PPP1R12A: variants seen among roughly 807,000 people sequenced by gnomAD.
PPP1R12A encodes myosin binding subunit.
PPP1R12A carries 19 observed loss-of-function variants against 139.6 expected under a neutral mutation model. The ratio of observed to expected loss-of-function variants is 0.14; its 90% CI spans 0.09 to 0.20. The LOEUF is 0.20. Ranked by LOEUF, PPP1R12A falls within the 10% of genes least tolerant of loss-of-function variation. The pLI is 1.00. For missense variants in PPP1R12A, 925 were observed against 1,211.5 expected, an observed-to-expected ratio of 0.76 and a Z score of 3.51; for synonymous variants, 427 against 420.6, an observed-to-expected ratio of 1.02 and a Z score of -0.19.
At chr12:79,888,688 G>A (rs1405160414) in intron 1 of PPP1R12A, among the ~76,000 whole-genome samples, 1 of 152,116 alleles carries the variant, frequency 6.6e-6, no homozygotes, top group Non-Finnish European at 1.5e-5. Flanking sequence ...TACGTGCCAT[G>A]GAACTGTTCC....
chr12:79,835,722 A>G (rs1269153527), intron 3 of PPP1R12A, among the ~76,000 whole-genome samples: 1 of 152,212 alleles, frequency 6.6e-6, no homozygotes, highest in Non-Finnish European at 1.5e-5. Context: ...TCTTTAGTAT[A>G]CAAGAGAAAG....
intron 2 of PPP1R12A, among the ~76,000 whole-genome samples, chr12:79,849,606 AAAAC>A (rs561702775): frequency 9.2e-5 from 14 of 152,300 alleles, no homozygotes; most frequent in African/African-American, 1.7e-4. Context: ...CCTTGGAAAG[AAAAC>A]AAACAAACAA....
chr12:79,852,657 C>G (rs560744463), intron 2 of PPP1R12A, among the ~76,000 whole-genome samples: 2 of 152,188 alleles, frequency 1.3e-5, no homozygotes, highest in South Asian at 4.2e-4. Context: ...TTCAGGTTCC[C>G]CACTTGTCCT....
intron 3 of PPP1R12A, among the ~76,000 whole-genome samples, chr12:79,843,363 G>C (rs1878978901): frequency 6.6e-6 from 1 of 151,980 alleles, no homozygotes; most frequent in South Asian, 2.1e-4. Context: ...ATCACCAGAA[G>C]TCAGGAGGTG....
chr12:79,862,822 A>C lies in PPP1R12A; in HGVS notation c.368+9986T>G, dbSNP rs138237045. On this transcript the variant is annotated intron_variant, in intron 2 of 24. Transcript: ENST00000450142. ...TCCAAGAAATATGGGACTATGTGAA[A>C]AAACGAAATCAATGTTTGATTGGTA... 7.9e-4 allele frequency among the ~76,000 whole-genome samples: 120 copies of C among 152,358 alleles called. 1 individual carries two copies. In the East Asian group the frequency reaches 0.023, roughly 29 times the overall value.
chr12:79,851,579 A>G (rs953099638), intron 2 of PPP1R12A, among the ~76,000 whole-genome samples: 3 of 152,128 alleles, frequency 2.0e-5, no homozygotes, highest in Non-Finnish European at 4.4e-5. Flanking sequence ...TTCAATTTTC[A>G]AAAGTCTGCA....
Position 79,900,195 on chromosome 12 carries a change from A to T in PPP1R12A, c.238-27257T>A, listed in dbSNP as rs139891419. On this transcript the variant is annotated intron_variant, in intron 1 of 24. Transcript: ENST00000450142. ...AAAAATTCAAAATGCAGATCTGTGA[A>T]ATAAGGTAACAGATAATGAAGAGTT... Among the ~76,000 whole-genome samples the T allele has an allele frequency of 7.2e-5, 11 of 152,332 alleles. No homozygotes were observed. The East Asian group carries it at 1.7e-3, about 24-fold the overall frequency.
intron 9 of PPP1R12A, among the ~76,000 whole-genome samples, chr12:79,812,391 C>CCTGTGT: frequency 7.4e-6 from 1 of 134,610 alleles, no homozygotes; most frequent in Non-Finnish European, 1.6e-5. Flanking sequence ...TCTGTGTGTG[C>CCTGTGT]GTGTGTGTGT....
chr12:79,827,255 C>T (rs1322179114), intron 5 of PPP1R12A, among the ~76,000 whole-genome samples: 1 of 152,072 alleles, frequency 6.6e-6, no homozygotes, highest in African/African-American at 2.4e-5. Context: ...AATTTTTTTA[C>T]TTTCCTTAAG....
At chr12:79,838,451 T>G (rs191027330) in intron 3 of PPP1R12A, among the ~76,000 whole-genome samples, 8 of 152,216 alleles carry the variant, frequency 5.3e-5, no homozygotes, top group African/African-American at 1.9e-4. Flanking sequence ...CAAATGTTAA[T>G]TGCCAAGACA....
intron 1 of PPP1R12A, among the ~76,000 whole-genome samples, chr12:79,892,320 T>C (rs932883672): frequency 1.1e-4 from 16 of 152,140 alleles, no homozygotes; most frequent in Non-Finnish European, 1.8e-4. Flanking sequence ...AATCCGAAAT[T>C]ATAACTTGAG....
chr12:79,848,591 C>A (rs1824977262), intron 2 of PPP1R12A, among the ~76,000 whole-genome samples: 3 of 152,022 alleles, frequency 2.0e-5, no homozygotes, highest in African/African-American at 7.2e-5. Context: ...AAACTGCTGG[C>A]AGGAAGCAGC....
At chr12:79,862,264 G>GTATCAATATCAACAAAAAGGAATAA (rs1416252536) in intron 2 of PPP1R12A, among the ~76,000 whole-genome samples, 3 of 152,136 alleles carry the variant, frequency 2.0e-5, no homozygotes. Context: ...AAAAGGAATA[G>GTATCAATATCAACAAAAAGGAATAA]TATCAATATC....
chr12:79,925,792 T>C (rs183000444), intron 1 of PPP1R12A, among the ~76,000 whole-genome samples: 3 of 152,110 alleles, frequency 2.0e-5, no homozygotes, highest in Admixed American at 6.5e-5. Context: ...AAAACACTAA[T>C]AAGGTCAGAA....
chr12:79,779,523 G>A (rs1592599155), intron 23 of PPP1R12A: 5 of 428,924 alleles, frequency 1.2e-5, no homozygotes, highest in Admixed American at 2.8e-5. Flanking sequence ...CCTACTGATC[G>A]TCTTTTAAGT....
intron 9 of PPP1R12A, among the ~76,000 whole-genome samples, chr12:79,814,738 C>A (rs2542818): frequency 1.6e-5 from 2 of 128,776 alleles, no homozygotes; most frequent in Non-Finnish European, 3.1e-5. Flanking sequence ...TCACTTGAAT[C>A]TGGGAGGTGG....
intron 5 of PPP1R12A, among the ~76,000 whole-genome samples, chr12:79,827,688 T>G (rs2137137536): frequency 6.6e-6 from 1 of 152,218 alleles, no homozygotes; most frequent in South Asian, 2.1e-4. Context: ...GAAAAACGCT[T>G]GTATGACATT....
intron 1 of PPP1R12A, among the ~76,000 whole-genome samples, chr12:79,893,483 A>T (rs1320992779): frequency 6.6e-6 from 1 of 152,174 alleles, no homozygotes; most frequent in Non-Finnish European, 1.5e-5. Context: ...AGTTGTTACT[A>T]TATGTACAGT....
chr12:79,908,758 T>A (rs748717799), intron 1 of PPP1R12A, among the ~76,000 whole-genome samples: 34 of 152,352 alleles, frequency 2.2e-4, no homozygotes, highest in Non-Finnish European at 4.4e-4. Flanking sequence ...TCATTATATG[T>A]TAACAGTGTT....
Sources: gnomAD v4.1 joint callset for allele counts (sites outside exome capture counted in the v4.1 genomes callset) on GRCh38, gnomAD v4.1.1 for gene constraint, MANE v1.5 for transcripts, NCBI Gene and HGNC (gene_info 2026-07-23, HGNC 2026-07-21) for gene names.